Variants in TEAD2 observed in about 807,000 individuals in gnomAD.
TEAD2 encodes TEA domain transcription factor 2, also known as transcriptional enhancer factor TEF-4.
In TEAD2, 51 loss-of-function variants were observed where a neutral mutation model predicts 61.4. That is an observed-to-expected ratio of 0.83 (90% CI 0.66 to 1.05). The LOEUF is 1.05. Ranked by LOEUF, TEAD2 falls within the 50% of genes least tolerant of loss-of-function variation. The pLI is 0.00. For missense variants in TEAD2, 509 were observed against 600.0 expected (o/e 0.85, Z 1.58); for synonymous variants, 244 against 243.2 (o/e 1.00, Z -0.03).
At chr19:49,350,519 G>A (rs186381167) in intron 8 of TEAD2, among the ~76,000 whole-genome samples, 3 of 151,876 alleles carry the variant, frequency 2.0e-5, no homozygotes, top group African/African-American at 4.8e-5. Context: ...TAGAGGTTGG[G>A]GGGGGTGGTT....
intron 8 of TEAD2, 148 bp from the exon 9 acceptor site, chr19:49,348,993 GAC>G: frequency 9.5e-7 from 1 of 1,047,256 alleles, no homozygotes; most frequent in Non-Finnish European, 1.3e-6. Flanking sequence ...GTGGCCATGT[GAC>G]ACAGTCCTAG....
At chr19:49,349,003 T>A in intron 8 of TEAD2, 158 bp from the exon 9 acceptor site, 1 of 881,408 alleles carries the variant, frequency 1.1e-6, no homozygotes, top group Non-Finnish European at 1.6e-6. Flanking sequence ...GACACAGTCC[T>A]AGCCAATGAG....
At chr19:49,355,108 G>C in intron 7 of TEAD2, 40 bp downstream of exon 7, 2 of 1,557,888 alleles carry the variant, frequency 1.3e-6, no homozygotes, top group Admixed American at 3.6e-5. Context: ...GGAGTGTGAG[G>C]GTGGGGGGCA....
chr19:49,354,475 G>T (rs936585620), intron 7 of TEAD2, among the ~76,000 whole-genome samples: 3 of 150,062 alleles, frequency 2.0e-5, no homozygotes, highest in Non-Finnish European at 4.4e-5. Flanking sequence ...CCGCACCCCA[G>T]CTTAGGCAAC....
At chr19:49,348,190 C>A (rs1009917762) in intron 9 of TEAD2, among the ~76,000 whole-genome samples, 1 of 152,218 alleles carries the variant, frequency 6.6e-6, no homozygotes, top group African/African-American at 2.4e-5. Context: ...AAGGCTCCTG[C>A]TGAACCTACA....
rs375675782 is a variant in TEAD2 at position 49,348,776 on chromosome 19, C to T, written c.674G>A (p.Arg225Gln). 2.5e-6 allele frequency: 4 copies of T among 1,613,030 alleles called. No individual in the cohort carries two copies. The highest frequency in any genetic ancestry group is 1.7e-5 in the Admixed American group (1 of 59,820). ...PTPSPPAWQARGLGTARLQLV... is the reference protein window; with the variant it reads ...PTPSPPAWQAQGLGTARLQLV... ...CTGCAACCGGGCGGTGCCCAGGCCC[C>T]GAGCCTGCCAGGCTGGGGGCGATGG... Residue 225 changes from arginine to glutamine, a missense_variant, in exon 9 of 13, where the codon CGG (arginine) becomes CAG (glutamine). Coordinates refer to ENST00000593945, the MANE Select transcript of TEAD2 (RefSeq NM_001256660.2).
In TEAD2 at chr19:49,359,069, T is replaced by A. The variant is rs1363448442; in HGVS notation, c.297+366A>T. On this transcript the variant is annotated intron_variant, in intron 3 of 12. Coordinates refer to ENST00000593945, the MANE Select transcript of TEAD2 (RefSeq NM_001256660.2). The surrounding 1 kb of genome is among the most constrained non-coding windows in gnomAD (Gnocchi z 4.1). ...GCCTGGACAACATGGTGAAACCCCATCTCTACTAAAAATACAAAATTACCC... is the reference window on the plus strand; with the variant it reads ...GCCTGGACAACATGGTGAAACCCCAACTCTACTAAAAATACAAAATTACCC... Among the ~76,000 whole-genome samples the A allele has an allele frequency of 6.6e-6, 1 of 151,820 alleles. No individual in the cohort carries two copies. The highest frequency in any genetic ancestry group is 2.4e-5 in the African/African-American group (1 of 41,340).
At chr19:49,357,198 G>C in intron 4 of TEAD2, 54 bp downstream of exon 4, 1 of 1,571,322 alleles carries the variant, frequency 6.4e-7, no homozygotes. Flanking sequence ...CTGGGTCTCG[G>C]TCCCCCACCC....
In TEAD2 at chr19:49,360,051, C is replaced by A. The variant is rs768259774; in HGVS notation, c.25G>T (p.Ala9Ser). 3 of 1,607,050 alleles carry A rather than the reference C, an allele frequency of 1.9e-6. No homozygotes were observed. Among genetic ancestry groups the A allele is most frequent in the Admixed American group, 3.3e-5 (2 of 60,016 alleles). Residue 9 changes from alanine (A) to serine (S), a missense_variant, in exon 2 of 13, where the codon GCC becomes TCC. By Grantham distance (99) the Ala-to-Ser change is moderately conservative (BLOSUM62 1). Transcript: ENST00000593945. Reference protein sequence around the residue: MGEPRAGAALDDGSGWTGS... With the variant: MGEPRAGASLDDGSGWTGS... ...GTCCAGCCGCTGCCATCGTCCAGGG[C>A]GGCCCCAGCCCGGGGTTCCCCCATC...
rs1337172148 is a variant in TEAD2, at chr19:49,362,323, A to C, written c.-7+10T>G. Reference sequence around the variant, plus strand: ...TCCTAAGAAGCAACTCCCCACCCCAACTCACACACCCCAAAGCAGGATCCC... The same window carrying C: ...TCCTAAGAAGCAACTCCCCACCCCACCTCACACACCCCAAAGCAGGATCCC... On this transcript the variant is annotated intron_variant, in intron 1 of 12. Coordinates refer to ENST00000593945, the MANE Select transcript of TEAD2 (RefSeq NM_001256660.2). The C allele has an allele frequency of 6.6e-6, 1 of 151,640 alleles. No individual in the cohort carries two copies. Among genetic ancestry groups the C allele is most frequent in the Non-Finnish European group, 1.5e-5 (1 of 67,958 alleles). 9.4% of individuals were successfully genotyped at this position (151,640 alleles called of 1,614,324 possible). A position where few individuals can be genotyped will look rare whatever the true frequency, so the allele number is the denominator to read the frequency against.
At chr19:49,346,272 C>A (rs923506910) in intron 10 of TEAD2, among the ~76,000 whole-genome samples, 1 of 151,822 alleles carries the variant, frequency 6.6e-6, no homozygotes. Context: ...CTAAGAAACA[C>A]GCAAGATGGG....
intron 8 of TEAD2, 121 bp from the exon 9 acceptor site, chr19:49,348,966 C>T: frequency 7.5e-7 from 1 of 1,342,132 alleles, no homozygotes; most frequent in African/African-American, 1.5e-5. Context: ...CTTTCCCAGC[C>T]TCCCTTGCAG....
At chr19:49,357,012 C>A (rs1568577376) in intron 4 of TEAD2, among the ~76,000 whole-genome samples, 1 of 151,474 alleles carries the variant, frequency 6.6e-6, no homozygotes, top group Admixed American at 6.6e-5. Context: ...CCCTCTCTCT[C>A]TGGGTCTCTG....
At position 49,343,147 on chromosome 19, in the gene TEAD2, C is replaced by T; in HGVS notation, c.1089+84G>A. On this transcript the variant is annotated intron_variant, in intron 11 of 12. Transcript: ENST00000593945. ...CTGGGACCCACTCCCTCCATGCATA[C>T]TCCCAAATGCCTGAGTCATGATGGC... is the stretch of plus-strand genomic sequence containing the variant. 2.7e-6 allele frequency: 4 copies of T among 1,466,714 alleles called. No homozygotes were observed. The South Asian group carries it at 4.1e-5, about 15-fold the overall frequency. The allele number at this position is 1,466,714 out of a possible 1,614,324, so 90.9% of individuals were successfully genotyped here. A position where few individuals can be genotyped will look rare whatever the true frequency, so the allele number is the denominator to read the frequency against.
intron 7 of TEAD2, among the ~76,000 whole-genome samples, chr19:49,352,170 G>A (rs114337004): frequency 0.01 from 1,594 of 152,116 alleles, 28 homozygotes; most frequent in African/African-American, 0.036. Context: ...CTGGCCAATA[G>A]AACTTTCCAG....
In TEAD2 at chr19:49,348,610, G is replaced by A. The variant is rs1971799847; in HGVS notation, c.747+93C>T. On this transcript the variant is annotated intron_variant, in intron 9 of 12. Coordinates refer to ENST00000593945, the MANE Select transcript of TEAD2 (RefSeq NM_001256660.2). ...AGCCCTTCAGATGATTCTGATACATGCTAAAGTTTTAAAACCATGACTTTA... is the reference window on the plus strand; with the variant it reads ...AGCCCTTCAGATGATTCTGATACATACTAAAGTTTTAAAACCATGACTTTA... 2.5e-6 allele frequency: 3 copies of A among 1,182,704 alleles called. No individual in the cohort carries two copies. The South Asian group carries it at 3.7e-5, about 15-fold the overall frequency. 73.3% of individuals were successfully genotyped at this position (1,182,704 alleles called of 1,614,324 possible). A position where few individuals can be genotyped will look rare whatever the true frequency, so the allele number is the denominator to read the frequency against.
Position 49,359,635 on chromosome 19 carries a change from G to C in TEAD2, c.233-136C>G, listed in dbSNP as rs555519212. Reference sequence around the variant, plus strand: ...GTGGGCTGCCGGTCCCCTCAGCTACGTGGAAGCCAGACTGCTTGGGTTCAA... The same window carrying C: ...GTGGGCTGCCGGTCCCCTCAGCTACCTGGAAGCCAGACTGCTTGGGTTCAA... On this transcript the variant is annotated intron_variant, in intron 2 of 12. Transcript: ENST00000593945. The surrounding 1 kb of genome is among the most constrained non-coding windows in gnomAD (Gnocchi z 4.1). The C allele has an allele frequency of 3.6e-6, 4 of 1,122,846 alleles. No individual in the cohort carries two copies. The African/African-American group carries it at 4.6e-5, about 13-fold the overall frequency. The allele number at this position is 1,122,846 out of a possible 1,614,324, so 69.6% of individuals were successfully genotyped here.
At chr19:49,348,184 C>T (rs1424510523) in intron 9 of TEAD2, among the ~76,000 whole-genome samples, 3 of 152,316 alleles carry the variant, frequency 2.0e-5, no homozygotes, top group Admixed American at 1.3e-4. Context: ...GAGTCCAAGG[C>T]TCCTGCTGAA....
At chr19:49,361,710 C>T (rs1425474244) in intron 1 of TEAD2, 1 of 152,664 alleles carries the variant, frequency 6.6e-6, no homozygotes, top group Non-Finnish European at 1.5e-5. Flanking sequence ...TCAGATCCCG[C>T]CTCCCCGGAG....
Sources: allele counts gnomAD v4.1 joint callset (sites outside exome capture counted in the v4.1 genomes callset), GRCh38; gene constraint gnomAD v4.1.1; non-coding constraint Gnocchi (gnomAD v3.1); transcripts MANE v1.5; gene names NCBI Gene and HGNC (gene_info 2026-07-23, HGNC 2026-07-21).